Variants in PIGX observed in about 807,000 individuals in gnomAD.
PIGX encodes GPI alpha-1,4-mannosyltransferase I, stabilizing subunit.
PIGX carries 24 observed loss-of-function variants against 28.7 expected under a neutral mutation model. The ratio of observed to expected loss-of-function variants is 0.84; its 90% confidence interval spans 0.60 to 1.17. The LOEUF is 1.17. Ranked by LOEUF, PIGX falls within the 50% of genes most tolerant of loss-of-function variation. The probability of loss-of-function intolerance (pLI) is 0.00; values close to 1 mark genes in which losing one functional copy is unlikely to be tolerated. For missense variants in PIGX, 305 were observed against 317.8 expected (o/e 0.96, Z 0.31); for synonymous variants, 127 against 121.0 (o/e 1.05, Z -0.33).
Position 196,712,457 on chromosome 3 carries a change from C to A in PIGX, c.-76C>A. ...AATCTGGGGCAGCGCGCGGTAGGAGCTGCGGGCGGCCAGGCCCCTTCCTGC... is the reference window on the plus strand; with the variant it reads ...AATCTGGGGCAGCGCGCGGTAGGAGATGCGGGCGGCCAGGCCCCTTCCTGC... On this transcript the variant is annotated 5_prime_UTR_variant, in exon 1 of 6. The change creates a new upstream start codon in the 5' untranslated region. Transcript: ENST00000392391. 3.1e-6 allele frequency: 2 copies of A among 637,522 alleles called. No individual in the cohort carries two copies. The highest frequency in any genetic ancestry group is 4.2e-6 in the Non-Finnish European group (2 of 473,026). 39.5% of individuals were successfully genotyped at this position (637,522 alleles called of 1,614,324 possible).
At chr3:196,728,185 A>G (rs1274640837) in intron 4 of PIGX, 49 bp downstream of exon 4, 1 of 1,486,254 alleles carries the variant, frequency 6.7e-7, no homozygotes, top group Admixed American at 1.8e-5. Flanking sequence ...GAATAAAGGT[A>G]TGGTGGCAAG....
intron 5 of PIGX, among the ~76,000 whole-genome samples, chr3:196,732,218 A>ATTTATT (rs1208192634): frequency 2.5e-4 from 4 of 15,870 alleles, no homozygotes; most frequent in Admixed American, 1.0e-3. Context: ...TATATTATTT[A>ATTTATT]TATATATATA....
At chr3:196,731,387 A>C (rs1577680786) in intron 5 of PIGX, among the ~76,000 whole-genome samples, 1 of 152,332 alleles carries the variant, frequency 6.6e-6, no homozygotes, top group African/African-American at 2.4e-5. Context: ...CCTGTTGGCC[A>C]GGCTGGTCTC....
chr3:196,718,817 A>G (rs1232318897), intron 2 of PIGX, among the ~76,000 whole-genome samples: 2 of 152,146 alleles, frequency 1.3e-5, no homozygotes, highest in Non-Finnish European at 1.5e-5. Flanking sequence ...GAATTTAACA[A>G]TGAAGCTCTG....
intron 3 of PIGX, among the ~76,000 whole-genome samples, chr3:196,724,579 A>C (rs1712450278): frequency 6.6e-6 from 1 of 152,176 alleles, no homozygotes; most frequent in Admixed American, 6.5e-5. Flanking sequence ...GTACAGGTAG[A>C]GAGTGCCATT....
At chr3:196,723,935 G>A (rs999768128) in intron 3 of PIGX, among the ~76,000 whole-genome samples, 1 of 151,468 alleles carries the variant, frequency 6.6e-6, no homozygotes. Flanking sequence ...CCACTAATCA[G>A]CAAGTGTGTT....
rs78895927 is a variant in PIGX at position 196,731,612 on chromosome 3, A to G, written c.633+520A>G. Among the ~76,000 whole-genome samples the G allele has an allele frequency of 3.9e-3, 600 of 152,328 alleles. 9 individuals are homozygous for G. The highest frequency in any genetic ancestry group is 0.033 in the East Asian group (173 of 5,186). On this transcript the variant is annotated intron_variant, in intron 5 of 5. Transcript: ENST00000392391. ...GATGGATGACTCTGCAATCTTATGC[A>G]GTGTAGAGTTGTTTTTGAGTAGGTT...
rs749498854 is a variant in PIGX at position 196,727,992 on chromosome 3, A to G, written c.388A>G (p.Ile130Val). 1 of 1,614,124 alleles carries G rather than the reference A, an allele frequency of 6.2e-7. No homozygotes were observed. Among genetic ancestry groups the G allele is most frequent in the Non-Finnish European group, 8.5e-7 (1 of 1,179,966 alleles). ...TTTGTCCAAGGAGTCTGAAGTTCTCATTTATGCCAGACGAGATTCACAGTG... is the reference window on the plus strand; with the variant it reads ...TTTGTCCAAGGAGTCTGAAGTTCTCGTTTATGCCAGACGAGATTCACAGTG... The change falls in exon 4 of 6, where the codon ATT (isoleucine) becomes GTT (valine). Residue 130 changes from isoleucine to valine, a missense_variant. Coordinates refer to ENST00000392391, the MANE Select transcript of PIGX (RefSeq NM_017861.4).
chr3:196,720,716 T>G (rs776829045), intron 2 of PIGX, among the ~76,000 whole-genome samples: 1 of 150,876 alleles, frequency 6.6e-6, no homozygotes, highest in Non-Finnish European at 1.5e-5. Flanking sequence ...GAAAGAAGTC[T>G]TTTATATTCC....
At chr3:196,717,436 T>A (rs922212568) in intron 2 of PIGX, among the ~76,000 whole-genome samples, 1 of 152,194 alleles carries the variant, frequency 6.6e-6, no homozygotes, top group African/African-American at 2.4e-5. Context: ...CACGTACAGT[T>A]GTCCCTTGGT....
intron 4 of PIGX, among the ~76,000 whole-genome samples, chr3:196,729,437 C>T (rs1318926555): frequency 6.7e-6 from 1 of 150,118 alleles, no homozygotes; most frequent in Non-Finnish European, 1.5e-5. Context: ...GGCGGAGTCT[C>T]GCTCTGTTGC....
At chr3:196,724,971 G>A (rs1471027588) in intron 3 of PIGX, among the ~76,000 whole-genome samples, 1 of 152,090 alleles carries the variant, frequency 6.6e-6, no homozygotes, top group Non-Finnish European at 1.5e-5. Flanking sequence ...TTAAATGAGT[G>A]GTGTGCCAGC....
In PIGX at chr3:196,730,444, G is replaced by A. The variant is rs73072732; in HGVS notation, c.533-548G>A. Among the ~76,000 whole-genome samples, 420 of 152,112 alleles carry A rather than the reference G, an allele frequency of 2.8e-3. 3 individuals carry two copies. Among genetic ancestry groups the A allele is most frequent in the African/African-American group, 9.9e-3 (409 of 41,504 alleles). ...GAGCAGCCCCAAATTTGAGTACAAT[G>A]AGATTCATTAAGAAGTCATGTTTGG... On this transcript the variant is annotated intron_variant, in intron 4 of 5. Transcript: ENST00000392391.
rs1711864918 is a variant in PIGX, at chr3:196,712,586, G to A, written c.54G>A (p.Ala18=). The A allele has an allele frequency of 3.4e-6, 4 of 1,191,024 alleles. No homozygotes were observed. Among genetic ancestry groups the A allele is most frequent in the South Asian group, 8.3e-5 (2 of 24,002 alleles). The allele number at this position is 1,191,024 out of a possible 1,614,324, so 73.8% of individuals were successfully genotyped here. A position where few individuals can be genotyped will look rare whatever the true frequency, so the allele number is the denominator to read the frequency against. ...CGGCCGCCTGGCTGCTCCTCGGGGC[G>A]GCGACCGGGCTCACGCGCGGGCCCG... Residue 18 remains alanine (A), a synonymous_variant, in exon 1 of 6, where the codon GCG becomes GCA. Coordinates refer to ENST00000392391, the MANE Select transcript of PIGX (RefSeq NM_017861.4).
At chr3:196,720,380 C>T (rs1390107251) in intron 2 of PIGX, among the ~76,000 whole-genome samples, 1 of 152,116 alleles carries the variant, frequency 6.6e-6, no homozygotes, top group Admixed American at 6.6e-5. Flanking sequence ...TGAGAATTTC[C>T]CTTCTTTTTA....
rs535911224 is a variant in PIGX, at chr3:196,724,831, A to G, written c.318+2275A>G. 5.3e-5 allele frequency among the ~76,000 whole-genome samples: 8 copies of G among 152,294 alleles called. No homozygotes were observed. In the East Asian group the frequency reaches 1.5e-3, roughly 29 times the overall value. ...TTTGTTATGCTAAGTGTTATTATAT[A>G]ATAAGTGTAACTGGGTAGAAGGAAT... On this transcript the variant is annotated intron_variant, in intron 3 of 5. Coordinates refer to ENST00000392391, the MANE Select transcript of PIGX (RefSeq NM_017861.4).
Position 196,728,119 on chromosome 3 carries a change from T to C in PIGX, c.515T>C (p.Leu172Ser). ...ATTGTGGTCAATAACCCAGATTTGTTGATGTTTTGTGACCAAGGTGAGGGC... is the reference window on the plus strand; with the variant it reads ...ATTGTGGTCAATAACCCAGATTTGTCGATGTTTTGTGACCAAGGTGAGGGC... Residue 172 changes from leucine to serine, a missense_variant, in exon 4 of 6, where the codon TTG becomes TCG. Coordinates refer to ENST00000392391, the MANE Select transcript of PIGX (RefSeq NM_017861.4). 1 of 1,613,976 alleles carries C rather than the reference T, an allele frequency of 6.2e-7. No homozygotes were observed. Among genetic ancestry groups the C allele is most frequent in the Admixed American group, 1.7e-5 (1 of 60,026 alleles).
rs1712732283 is a variant in PIGX at position 196,731,078 on chromosome 3, A to G, written c.619A>G (p.Met207Val). 10 of 1,582,450 alleles carry G rather than the reference A, an allele frequency of 6.3e-6. No homozygotes were observed. The highest frequency in any genetic ancestry group is 7.8e-6 in the Non-Finnish European group (9 of 1,151,490). Residue 207 changes from methionine (M) to valine (V), a missense_variant, in exon 5 of 6, where the codon ATG becomes GTG. Physicochemically the swap from Met to Val is conservative, Grantham distance 21. Coordinates refer to ENST00000392391, the MANE Select transcript of PIGX (RefSeq NM_017861.4). ...TGAGGATATCTGCCAATGGAACAAG[A>G]TGAAGTATAAATCAGTAAGCTAATG...
chr3:196,728,754 A>G, intron 4 of PIGX: 1 of 766,402 alleles, frequency 1.3e-6, no homozygotes, highest in South Asian at 1.3e-5. Flanking sequence ...ACAAAACTAT[A>G]GGTCAGTGCT....
Sources: allele counts gnomAD v4.1 joint callset (sites outside exome capture counted in the v4.1 genomes callset), GRCh38; gene constraint gnomAD v4.1.1; transcripts MANE v1.5; gene names NCBI Gene and HGNC (gene_info 2026-07-23, HGNC 2026-07-21).